CDK15: variants seen among roughly 807,000 people sequenced by gnomAD.
The protein encoded by CDK15 is cyclin-dependent kinase 15.
A neutral mutation model predicts 60.3 loss-of-function variants in CDK15; 62 were observed. The observed-to-expected ratio is 1.03, with a 90% CI of 0.84 to 1.27. CDK15 has a LOEUF of 1.27. Among genes scored for constraint, CDK15 ranks in the 50% most tolerant of loss-of-function variants. The probability of loss-of-function intolerance (pLI) is 0.00; values close to 1 mark genes in which losing one functional copy is unlikely to be tolerated. For missense variants in CDK15, 541 were observed against 527.8 expected, an observed-to-expected ratio of 1.03 and a Z score of -0.25; for synonymous variants, 194 against 195.7, an observed-to-expected ratio of 0.99 and a Z score of 0.07.
chr2:201,825,023 A>G (rs1045652942), intron 6 of CDK15, among the ~76,000 whole-genome samples: 2 of 152,220 alleles, frequency 1.3e-5, no homozygotes, highest in Non-Finnish European at 2.9e-5. Context: ...TTTGGAATAT[A>G]TAAGTTGTTA....
At chr2:201,865,741 T>C (rs1260996714) in intron 10 of CDK15, among the ~76,000 whole-genome samples, 1 of 151,542 alleles carries the variant, frequency 6.6e-6, no homozygotes, top group Non-Finnish European at 1.5e-5. Context: ...AATACAAAAA[T>C]TAGCCAGGTG....
At chr2:201,822,454 C>T (rs1696271183) in intron 4 of CDK15, among the ~76,000 whole-genome samples, 1 of 152,176 alleles carries the variant, frequency 6.6e-6, no homozygotes, top group South Asian at 2.1e-4. Flanking sequence ...CCTCCAAAGC[C>T]CTTTATCTCT....
chr2:201,861,356 G>C lies in CDK15; in HGVS notation c.1009+6419G>C, dbSNP rs16838313. 1.9e-3 allele frequency: 1,922 copies of C among 988,378 alleles called. 17 individuals are homozygous for C. In the African/African-American group the frequency reaches 0.029, roughly 15 times the overall value. 61.2% of individuals were successfully genotyped at this position (988,378 alleles called of 1,614,324 possible). A position where few individuals can be genotyped will look rare whatever the true frequency, so the allele number is the denominator to read the frequency against. On this transcript the variant is annotated intron_variant, in intron 10 of 13. Coordinates refer to ENST00000652192, the MANE Select transcript of CDK15 (RefSeq NM_001366386.2). ...AGAGGCTTTCTCCTAGGCTCACAGA[G>C]AGGTGTATACTTATTGGAAATGGCT...
chr2:201,808,190 T>C (rs1344724637), intron 3 of CDK15, among the ~76,000 whole-genome samples: 5 of 152,210 alleles, frequency 3.3e-5, no homozygotes, highest in Non-Finnish European at 7.3e-5. Flanking sequence ...CCTTCTTGCA[T>C]TCAATTCAGA....
intron 11 of CDK15, among the ~76,000 whole-genome samples, chr2:201,876,041 T>C (rs1204720334): frequency 1.3e-5 from 2 of 152,230 alleles, no homozygotes; most frequent in Non-Finnish European, 2.9e-5. Context: ...TCATGTTTGG[T>C]AGTTAACATC....
chr2:201,836,073 T>TA (rs56275763), intron 8 of CDK15, among the ~76,000 whole-genome samples: 27 of 106,664 alleles, frequency 2.5e-4, no homozygotes, highest in East Asian at 4.8e-4. Flanking sequence ...TATATTTATA[T>TA]TTATATATAT....
chr2:201,830,432 T>C (rs912588972), intron 6 of CDK15, among the ~76,000 whole-genome samples: 6 of 152,188 alleles, frequency 3.9e-5, no homozygotes, highest in Non-Finnish European at 7.3e-5. Flanking sequence ...GGAAAAGTCA[T>C]GGGAAACCAT....
chr2:201,832,347 A>C (rs552890260), intron 6 of CDK15, among the ~76,000 whole-genome samples: 11 of 152,312 alleles, frequency 7.2e-5, no homozygotes, highest in African/African-American at 2.4e-4. Context: ...CGCCAGTCTG[A>C]AAAACGTATT....
At chr2:201,829,206 A>G (rs1406416738) in intron 6 of CDK15, among the ~76,000 whole-genome samples, 1 of 152,080 alleles carries the variant, frequency 6.6e-6, no homozygotes, top group Non-Finnish European at 1.5e-5. Flanking sequence ...GAAATGTTAT[A>G]TTCCCCTGAC....
rs74982336 is a variant in CDK15 at position 201,819,755 on chromosome 2, C to T, written c.449-3054C>T. ...AAAAGTTGAGAGGACTTGACGTGTA[C>T]GAGTGGTTAATCTTCATAAAATGGA... On this transcript the variant is annotated intron_variant, in intron 4 of 13. Coordinates refer to ENST00000652192, the MANE Select transcript of CDK15 (RefSeq NM_001366386.2). 2.5e-3 allele frequency among the ~76,000 whole-genome samples: 385 copies of T among 152,160 alleles called. 1 individual carries two copies. Among genetic ancestry groups the T allele is most frequent in the African/African-American group, 8.8e-3 (365 of 41,510 alleles).
At chr2:201,889,276 C>T in intron 12 of CDK15, 4 of 985,352 alleles carry the variant, frequency 4.1e-6, no homozygotes, top group Non-Finnish European at 3.6e-6. Flanking sequence ...CAGATTTATG[C>T]AAATTGTGAA....
At chr2:201,890,225 A>G (rs1371909517) in intron 12 of CDK15, among the ~76,000 whole-genome samples, 1 of 152,124 alleles carries the variant, frequency 6.6e-6, no homozygotes, top group African/African-American at 2.4e-5. Flanking sequence ...TCTGGTTCCA[A>G]CTATTTTTCC....
At chr2:201,833,350 A>G (rs1696842189) in intron 6 of CDK15, among the ~76,000 whole-genome samples, 2 of 152,162 alleles carry the variant, frequency 1.3e-5, no homozygotes, top group Admixed American at 1.3e-4. Flanking sequence ...ATACCATCTA[A>G]AGATATATTT....
At chr2:201,807,133 A>G (rs1695545086) in intron 1 of CDK15, among the ~76,000 whole-genome samples, 1 of 152,192 alleles carries the variant, frequency 6.6e-6, no homozygotes, top group Non-Finnish European at 1.5e-5. Flanking sequence ...AACTTTAGTA[A>G]TTAGTTCATG....
intron 4 of CDK15, among the ~76,000 whole-genome samples, chr2:201,813,463 C>T (rs1285000766): frequency 6.6e-6 from 1 of 152,202 alleles, no homozygotes; most frequent in African/African-American, 2.4e-5. Flanking sequence ...TGGCACTTCC[C>T]TGGCCTTATT....
At chr2:201,872,153 C>T (rs1231943331) in intron 10 of CDK15, 125 bp from the exon 11 acceptor site, 2 of 973,228 alleles carry the variant, frequency 2.1e-6, no homozygotes, top group Non-Finnish European at 3.3e-6. Flanking sequence ...TCACATTAGC[C>T]TACCTGATAC....
chr2:201,871,194 C>G (rs1255313050), intron 10 of CDK15, among the ~76,000 whole-genome samples: 20 of 151,994 alleles, frequency 1.3e-4, no homozygotes, highest in Admixed American at 1.3e-3. Context: ...GGGTCTTGCT[C>G]TGTCTCCCAG....
At chr2:201,870,654 A>G (rs1260406763) in intron 10 of CDK15, among the ~76,000 whole-genome samples, 1 of 152,178 alleles carries the variant, frequency 6.6e-6, no homozygotes, top group Non-Finnish European at 1.5e-5. Context: ...ACTTGAGGCC[A>G]GGAGTTCCAG....
chr2:201,878,134 G>A (rs937206798), intron 11 of CDK15, among the ~76,000 whole-genome samples: 6 of 152,174 alleles, frequency 3.9e-5, no homozygotes, highest in African/African-American at 9.7e-5. Context: ...TCAGCTGCCC[G>A]CTGGGATATG....
Sources: allele counts gnomAD v4.1 joint callset (sites outside exome capture counted in the v4.1 genomes callset), GRCh38; gene constraint gnomAD v4.1.1; transcripts MANE v1.5; gene names NCBI Gene and HGNC (gene_info 2026-07-23, HGNC 2026-07-21).